Variants in GAB4 observed in about 807,000 individuals in gnomAD.
GAB4 encodes GRB2-associated-binding protein 4.
Under a neutral mutation model 51.3 loss-of-function variants are expected in GAB4, and 26 were observed. The ratio of observed to expected loss-of-function variants is 0.51; its 90% CI spans 0.37 to 0.70. GAB4 has a LOEUF of 0.70. Ranked by LOEUF, GAB4 falls within the 30% of genes least tolerant of loss-of-function variation. The pLI is 0.00. For missense variants in GAB4, 759 were observed against 734.6 expected (o/e 1.03, Z -0.38); for synonymous variants, 329 against 291.2 (o/e 1.13, Z -1.32).
At chr22:16,989,697 A>C (rs1429287486) in intron 2 of GAB4, among the ~76,000 whole-genome samples, 1 of 152,194 alleles carries the variant, frequency 6.6e-6, no homozygotes, top group African/African-American at 2.4e-5. Flanking sequence ...ACCAAGGATG[A>C]ACACAGCTGC....
In GAB4 at chr22:16,988,167, C is replaced by T; in HGVS notation, c.479G>A (p.Gly160Asp). The T allele has an allele frequency of 6.8e-6, 11 of 1,609,096 alleles. No homozygotes were observed. The highest frequency in any genetic ancestry group is 1.7e-4 in the Middle Eastern group (1 of 6,032). Reference sequence around the variant, plus strand: ...GGCTGAGGAAATGTTTCCCAGGAAGCCTGTGAATGAAACAGGAAGGAAGGG... The same window carrying T: ...GGCTGAGGAAATGTTTCCCAGGAAGTCTGTGAATGAAACAGGAAGGAAGGG... ...ICGFRQEEST[G>D]FLGNISSASH... The change falls in exon 3 of 10, where the codon GGC (glycine) becomes GAC (aspartate). Residue 160 changes from glycine to aspartate, a missense_variant and splice_region_variant. By Grantham distance (94) the Gly-to-Asp change is moderately conservative. This residue lies in a region of GAB4 where 88 missense variants were observed against 151.3 expected (regional missense o/e 0.58). Transcript: ENST00000400588.
chr22:17,005,473 A>C (rs1489836321), intron 1 of GAB4, among the ~76,000 whole-genome samples: 1 of 152,228 alleles, frequency 6.6e-6, no homozygotes, highest in African/African-American at 2.4e-5. Context: ...GCTACCATTG[A>C]CTTTCTTCAC....
chr22:16,990,090 C>G (rs943241134), intron 2 of GAB4, among the ~76,000 whole-genome samples: 2 of 152,224 alleles, frequency 1.3e-5, no homozygotes, highest in East Asian at 1.9e-4. Context: ...CACTGTGACT[C>G]TTCACTCTTT....
Position 16,969,933 on chromosome 22 carries a change from G to C in GAB4, c.937+10C>G, listed in dbSNP as rs1311685473. 1 of 1,614,034 alleles carries C rather than the reference G, an allele frequency of 6.2e-7. No homozygotes were observed. Among genetic ancestry groups the C allele is most frequent in the East Asian group, 2.2e-5 (1 of 44,872 alleles). ...CAGGGTGCTTCTGGGTGCCTTGAAG[G>C]GGTACACACCCTCATTATCCGCCTC... On this transcript the variant is annotated intron_variant, in intron 4 of 9. Coordinates refer to ENST00000400588, the MANE Select transcript of GAB4 (RefSeq NM_001037814.1).
chr22:16,966,408 A>C (rs1329265014), intron 5 of GAB4, 44 bp from the exon 6 acceptor site: 6 of 1,579,690 alleles, frequency 3.8e-6, no homozygotes, highest in Non-Finnish European at 5.2e-6. Context: ...CACCAGCAAG[A>C]ACAAGATAGG....
intron 7 of GAB4, 64 bp downstream of exon 7, chr22:16,965,114 A>C: frequency 8.2e-7 from 1 of 1,216,264 alleles, no homozygotes; most frequent in Non-Finnish European, 1.2e-6. Flanking sequence ...CAAGCCAATG[A>C]CCATCCCACT....
chr22:16,987,076 C>T (rs1426018161), intron 3 of GAB4, among the ~76,000 whole-genome samples: 2 of 152,220 alleles, frequency 1.3e-5, no homozygotes, highest in African/African-American at 4.8e-5. Context: ...TTGACTGGTT[C>T]AAGTGAGATT....
At chr22:16,990,490 G>A (rs946783360) in intron 2 of GAB4, among the ~76,000 whole-genome samples, 9 of 152,116 alleles carry the variant, frequency 5.9e-5, no homozygotes, top group African/African-American at 2.2e-4. Context: ...TAAAGTCCAG[G>A]CTCCTCAGTC....
At chr22:16,972,575 C>T (rs1169236077) in intron 3 of GAB4, among the ~76,000 whole-genome samples, 1 of 152,164 alleles carries the variant, frequency 6.6e-6, no homozygotes, top group African/African-American at 2.4e-5. Flanking sequence ...GCGGTAATCT[C>T]ACGCATATTC....
intron 3 of GAB4, 115 bp downstream of exon 3, chr22:16,987,845 C>T (rs548333855): frequency 1.9e-5 from 15 of 770,058 alleles, no homozygotes; most frequent in South Asian, 1.5e-4. Flanking sequence ...TGTTTGCTTA[C>T]CTGGAAAGAT....
chr22:16,998,722 C>G (rs2060970740), intron 1 of GAB4, among the ~76,000 whole-genome samples: 2 of 152,162 alleles, frequency 1.3e-5, no homozygotes, highest in Non-Finnish European at 2.9e-5. Context: ...CTGTCTTGTG[C>G]CAGTTTTCAA....
chr22:16,981,295 C>A (rs4819932), intron 3 of GAB4, among the ~76,000 whole-genome samples: 116,967 of 151,412 alleles, frequency 0.77, 46,209 homozygotes, highest in African/African-American at 0.94. Flanking sequence ...TTCATAGCAG[C>A]AATAAATAAA....
chr22:16,977,204 G>T (rs148136828), intron 3 of GAB4, among the ~76,000 whole-genome samples: 3 of 152,070 alleles, frequency 2.0e-5, no homozygotes, highest in African/African-American at 7.2e-5. Context: ...GCTAAATGCC[G>T]CAATTAAAAG....
intron 1 of GAB4, 122 bp downstream of exon 1, chr22:17,007,819 C>A: frequency 2.3e-6 from 2 of 873,650 alleles, no homozygotes; most frequent in Non-Finnish European, 1.7e-6. Context: ...CGCATGCAGA[C>A]GTGGAGAAGT....
chr22:16,972,777 C>T (rs778222168), intron 3 of GAB4, among the ~76,000 whole-genome samples: 4 of 152,224 alleles, frequency 2.6e-5, no homozygotes, highest in South Asian at 2.1e-4. Flanking sequence ...TCTCATAACA[C>T]GTCTTCCTCA....
intron 3 of GAB4, among the ~76,000 whole-genome samples, chr22:16,985,083 T>C (rs2060856820): frequency 6.6e-6 from 1 of 152,116 alleles, no homozygotes; most frequent in South Asian, 2.1e-4. Flanking sequence ...GTGTCCAGAG[T>C]TTTAAGCTGT....
Position 16,969,955 on chromosome 22 carries a change from C to A in GAB4, c.925G>T (p.Ala309Ser). 1.2e-6 allele frequency: 2 copies of A among 1,614,184 alleles called. No individual in the cohort carries two copies. The highest frequency in any genetic ancestry group is 2.2e-5 in the South Asian group (2 of 91,078). Residue 309 changes from alanine (A) to serine (S), a missense_variant, in exon 4 of 10, where the codon GCG becomes TCG. By Grantham distance (99) the Ala-to-Ser change is moderately conservative (BLOSUM62 1). Coordinates refer to ENST00000400588, the MANE Select transcript of GAB4 (RefSeq NM_001037814.1). The part of the protein sequence containing the change: ...HTRGSLTGSE[A>S]DNEASSGKYT... Reference sequence around the variant, plus strand: ...AAGGGGTACACACCCTCATTATCCGCCTCAGAGCCTGTGAGGCTGCCTCTG... The same window carrying A: ...AAGGGGTACACACCCTCATTATCCGACTCAGAGCCTGTGAGGCTGCCTCTG...
At position 16,966,381 on chromosome 22, in the gene GAB4, G is replaced by C; in HGVS notation, c.1024-17C>G. The C allele has an allele frequency of 6.2e-7, 1 of 1,602,252 alleles. No homozygotes were observed. The highest frequency in any genetic ancestry group is 8.5e-7 in the Non-Finnish European group (1 of 1,172,064). ...TCTTCCTGGCTAGGAAGAGGACAGT[G>C]AAAGAAACACAGCTATCACCAGCAA... On this transcript the variant is annotated splice_polypyrimidine_tract_variant and intron_variant, in intron 5 of 9. Coordinates refer to ENST00000400588, the MANE Select transcript of GAB4 (RefSeq NM_001037814.1).
intron 3 of GAB4, among the ~76,000 whole-genome samples, chr22:16,981,313 G>C (rs2060825845): frequency 6.6e-6 from 1 of 151,398 alleles, no homozygotes; most frequent in South Asian, 2.1e-4. Flanking sequence ...AAAATTTAGA[G>C]TGAAAAAAAT....
Sources: allele counts gnomAD v4.1 joint callset (sites outside exome capture counted in the v4.1 genomes callset), GRCh38; gene constraint gnomAD v4.1.1; regional missense constraint gnomAD v4.1.1; transcripts MANE v1.5; gene names NCBI Gene and HGNC (gene_info 2026-07-23, HGNC 2026-07-21).